The following CDH3 variants were observed in gnomAD, a reference collection of about 807,000 sequenced individuals.
CDH3 encodes cadherin 3, also known as cadherin-3.
CDH3 carries 54 observed loss-of-function variants against 82.0 expected under a neutral mutation model. The observed-to-expected ratio is 0.66, with a 90% CI of 0.53 to 0.83. The LOEUF (loss-of-function observed/expected upper bound fraction) is 0.83. Ranked by LOEUF, CDH3 falls within the 40% of genes least tolerant of loss-of-function variation. The pLI is 0.00. For missense variants in CDH3, 1,054 were observed against 1,084.6 expected (o/e 0.97, Z 0.40); for synonymous variants, 446 against 437.9 (o/e 1.02, Z -0.23).
chr16:68,648,851 C>T (rs557088601), intron 2 of CDH3, among the ~76,000 whole-genome samples: 2 of 151,744 alleles, frequency 1.3e-5, no homozygotes, highest in South Asian at 4.2e-4. Flanking sequence ...CCCGGCCCCC[C>T]ACCCCAAGAG....
At chr16:68,725,550 G>T (rs1168439544) in intron 2 of CDH3, among the ~76,000 whole-genome samples, 1 of 151,884 alleles carries the variant, frequency 6.6e-6, no homozygotes, top group Non-Finnish European at 1.5e-5. Context: ...AGCCAGGATG[G>T]TCTCGATCTC....
intron 2 of CDH3, among the ~76,000 whole-genome samples, chr16:68,646,474 G>A (rs1273570934): frequency 6.6e-6 from 1 of 150,400 alleles, no homozygotes; most frequent in Non-Finnish European, 1.5e-5. Flanking sequence ...GGAGATCAAA[G>A]CACATTTTTG....
At chr16:68,661,866 T>G (rs1025681978) in intron 2 of CDH3, among the ~76,000 whole-genome samples, 1 of 152,166 alleles carries the variant, frequency 6.6e-6, no homozygotes, top group Non-Finnish European at 1.5e-5. Context: ...TTTTTTTGTG[T>G]TTTTAGTAGA....
intron 2 of CDH3, among the ~76,000 whole-genome samples, chr16:68,663,835 C>T (rs1323386333): frequency 2.0e-5 from 3 of 151,172 alleles, no homozygotes; most frequent in African/African-American, 7.3e-5. Flanking sequence ...TTTTATTATA[C>T]TTTAAGTTTT....
Position 68,646,502 on chromosome 16 carries a change from A to AC in CDH3, c.160+761dup, listed in dbSNP as rs372573208. ...CATTTTTGATCCCTCAGTTACTCCT[A>AC]CCCCCCCCCTCCCCGCCCCAAGTTC... On this transcript the variant is annotated intron_variant, in intron 2 of 15. Transcript: ENST00000264012. Among the ~76,000 whole-genome samples, 1,357 of 112,784 alleles carry AC rather than the reference A, an allele frequency of 0.012. 41 individuals carry two copies. In the East Asian group the frequency reaches 0.15, roughly 12 times the overall value. 74.0% of individuals were successfully genotyped at this position (112,784 alleles called of 152,430 possible).
At chr16:68,716,114 C>T (rs1047830233) in intron 1 of CDH3, among the ~76,000 whole-genome samples, 2 of 150,822 alleles carry the variant, frequency 1.3e-5, no homozygotes, top group African/African-American at 4.9e-5. Context: ...ACTAAAAATA[C>T]AAAATTGGCT....
intron 2 of CDH3, among the ~76,000 whole-genome samples, chr16:68,658,820 C>G (rs1960478149): frequency 6.6e-6 from 1 of 152,164 alleles, no homozygotes; most frequent in Non-Finnish European, 1.5e-5. Context: ...ACTGGTTTAT[C>G]CCTGCTTTTG....
chr16:68,677,783 T>TAG (rs1206919773), intron 3 of CDH3, among the ~76,000 whole-genome samples: 1 of 152,192 alleles, frequency 6.6e-6, no homozygotes, highest in African/African-American at 2.4e-5. Context: ...TTTTGGCACA[T>TAG]AGAGAGCATA....
At chr16:68,677,293 A>G (rs996250051) in intron 3 of CDH3, among the ~76,000 whole-genome samples, 18 of 152,310 alleles carry the variant, frequency 1.2e-4, no homozygotes, top group Admixed American at 1.0e-3. Flanking sequence ...ATCCATGTAC[A>G]AGAAAATATG....
At position 68,679,969 on chromosome 16, in the gene CDH3, C is replaced by A; in HGVS notation, c.862C>A (p.Arg288=). Residue 288 remains arginine, a synonymous_variant, in exon 7 of 16, where the codon CGG becomes AGG. Coordinates refer to ENST00000264012, the MANE Select transcript of CDH3 (RefSeq NM_001793.6). ...CAGCGTCATCTCCAGTGGCCTGGAC[C>A]GGGAAGTGAGTGGCCCTTAGGGAAA... is the stretch of plus-strand genomic sequence containing the variant. The part of the protein sequence containing the change: ...TISVISSGLD[R]EKVPEYTLTI... 2 of 1,614,022 alleles carry A rather than the reference C, an allele frequency of 1.2e-6. No individual in the cohort carries two copies. Among genetic ancestry groups the A allele is most frequent in the Non-Finnish European group, 1.7e-6 (2 of 1,179,900 alleles).
At chr16:68,662,989 C>T (rs1960634010) in intron 2 of CDH3, among the ~76,000 whole-genome samples, 1 of 150,266 alleles carries the variant, frequency 6.7e-6, no homozygotes, top group Non-Finnish European at 1.5e-5. Flanking sequence ...CTGCTTTAGC[C>T]TCCCTTATAG....
chr16:68,648,208 A>G (rs948429291), intron 2 of CDH3, among the ~76,000 whole-genome samples: 1 of 152,216 alleles, frequency 6.6e-6, no homozygotes, highest in Non-Finnish European at 1.5e-5. Flanking sequence ...TGGATTCACT[A>G]AGCCAAACAG....
downstream of CDH3, among the ~76,000 whole-genome samples, chr16:68,703,763 A>G (rs1023288401): frequency 4.0e-5 from 6 of 151,758 alleles, no homozygotes; most frequent in Non-Finnish European, 5.9e-5. Flanking sequence ...CCTGCCCAAC[A>G]TGGCGAAACC....
chr16:68,733,055 A>T, the CDH3 span, among the ~76,000 whole-genome samples: 1 of 152,132 alleles, frequency 6.6e-6, no homozygotes, highest in Non-Finnish European at 1.5e-5. Flanking sequence ...CTAATCACTC[A>T]CCTTTGCAGA....
intron 15 of CDH3, 50 bp downstream of exon 15, chr16:68,695,973 C>G: frequency 6.3e-7 from 1 of 1,598,942 alleles, no homozygotes; most frequent in Non-Finnish European, 8.5e-7. Flanking sequence ...AAGCCCAGCA[C>G]CAGCCACACA....
At chr16:68,716,550 G>A (rs1399571527) in intron 1 of CDH3, among the ~76,000 whole-genome samples, 1 of 130,194 alleles carries the variant, frequency 7.7e-6, no homozygotes, top group Non-Finnish European at 1.6e-5. Flanking sequence ...GAGCCCAGGA[G>A]TTTGAGGTTA....
chr16:68,647,805 G>T (rs1362479320), intron 2 of CDH3, among the ~76,000 whole-genome samples: 1 of 151,890 alleles, frequency 6.6e-6, no homozygotes, highest in African/African-American at 2.4e-5. Context: ...TCAAAACATA[G>T]ATCCCCAGCC....
intron 2 of CDH3, among the ~76,000 whole-genome samples, chr16:68,646,502 A>ACCC (rs372573208): frequency 1.2e-4 from 14 of 112,822 alleles, no homozygotes; most frequent in African/African-American, 4.3e-4. Context: ...AGTTACTCCT[A>ACCC]CCCCCCCCCT....
In CDH3 at chr16:68,684,670, A is replaced by G. The variant is rs80256428; in HGVS notation, c.1270A>G (p.Thr424Ala). The G allele has an allele frequency of 3.7e-6, 6 of 1,614,064 alleles. No individual in the cohort carries two copies. The Admixed American group carries it at 6.7e-5, about 18-fold the overall frequency. The change falls in exon 10 of 16, where the codon ACA becomes GCA. Residue 424 changes from threonine to alanine, a missense_variant. By Grantham distance (58) the Thr-to-Ala change is moderately conservative. Transcript: ENST00000264012. ...APFVLKLPTS[T>A]ATIVVHVEDV... ...TTTTGTGCTGAAGCTCCCAACCTCC[A>G]CAGCCACCATAGTGGTCCACGTGGA...
Sources: gnomAD v4.1 joint callset for allele counts (sites outside exome capture counted in the v4.1 genomes callset) on GRCh38, gnomAD v4.1.1 for gene constraint, MANE v1.5 for transcripts, NCBI Gene and HGNC (gene_info 2026-07-23, HGNC 2026-07-21) for gene names.